The following TDRD3 variants were observed in gnomAD, a reference collection of about 807,000 sequenced individuals.
The protein encoded by TDRD3 is tudor domain-containing protein 3.
TDRD3 carries 45 observed loss-of-function variants against 86.7 expected under a neutral mutation model. The ratio of observed to expected loss-of-function variants is 0.52; its 90% CI spans 0.41 to 0.67. TDRD3 has a LOEUF of 0.67. TDRD3 is among the 30% of genes least tolerant of loss of function. TDRD3 has a pLI of 0.00. For synonymous variants in TDRD3, 298 were observed against 301.7 expected, an observed-to-expected ratio of 0.99 and a Z score of 0.13; for missense variants, 814 against 889.0, an observed-to-expected ratio of 0.92 and a Z score of 1.07.
chr13:60,534,469 T>C (rs1034405388), intron 11 of TDRD3, among the ~76,000 whole-genome samples: 5 of 152,214 alleles, frequency 3.3e-5, no homozygotes, highest in Admixed American at 3.3e-4. Flanking sequence ...CTATAAATAC[T>C]GGATCTAAGT....
chr13:60,424,374 C>T (rs769309782), intron 1 of TDRD3, among the ~76,000 whole-genome samples: 58 of 151,456 alleles, frequency 3.8e-4, no homozygotes, highest in Non-Finnish European at 7.4e-4. Flanking sequence ...AAAAAATTCA[C>T]CTCTTTAAAG....
At chr13:60,496,288 C>CATATATATAT (rs56211733) in intron 8 of TDRD3, among the ~76,000 whole-genome samples, 13 of 61,262 alleles carry the variant, frequency 2.1e-4, no homozygotes, top group Non-Finnish European at 3.0e-4. Context: ...AACAAACTCC[C>CATATATATAT]ATATATATAT....
chr13:60,490,791 T>C (rs759161850), intron 7 of TDRD3, among the ~76,000 whole-genome samples: 31 of 151,906 alleles, frequency 2.0e-4, no homozygotes, highest in Non-Finnish European at 1.8e-4. Flanking sequence ...GTTACTGAGA[T>C]TGGATATAGG....
chr13:60,546,971 A>G (rs987461748), intron 12 of TDRD3, among the ~76,000 whole-genome samples: 12 of 152,088 alleles, frequency 7.9e-5, no homozygotes, highest in Admixed American at 5.9e-4. Flanking sequence ...TGTTTTATAA[A>G]CTTTCTGAGT....
intron 8 of TDRD3, among the ~76,000 whole-genome samples, chr13:60,507,268 A>C (rs958030282): frequency 6.6e-6 from 1 of 152,154 alleles, no homozygotes; most frequent in African/African-American, 2.4e-5. Flanking sequence ...TTAACACCCC[A>C]CTGTCAATAT....
chr13:60,502,307 C>T (rs980347202), intron 8 of TDRD3, among the ~76,000 whole-genome samples: 1 of 152,116 alleles, frequency 6.6e-6, no homozygotes, highest in South Asian at 2.1e-4. Context: ...CAGGAATAAG[C>T]AGGGTTAGTC....
chr13:60,404,471 C>T (rs527454013), intron 1 of TDRD3, among the ~76,000 whole-genome samples: 78 of 151,398 alleles, frequency 5.2e-4, no homozygotes, highest in South Asian at 8.4e-4. Context: ...CCACTACGCC[C>T]GGCTAATTTT....
chr13:60,541,224 A>G (rs942466775), intron 12 of TDRD3, among the ~76,000 whole-genome samples: 1 of 150,828 alleles, frequency 6.6e-6, no homozygotes, highest in Admixed American at 6.6e-5. Context: ...CTGGAGGGCA[A>G]TGGCACGATC....
chr13:60,547,200 A>G (rs1183621170), intron 12 of TDRD3: 4 of 978,392 alleles, frequency 4.1e-6, no homozygotes, highest in Admixed American at 1.2e-4. Flanking sequence ...ACCAAAAAAA[A>G]TCTCATGACA....
At chr13:60,484,776 T>A in intron 6 of TDRD3, 1 of 431,774 alleles carries the variant, frequency 2.3e-6, no homozygotes. Flanking sequence ...TCTCCCAGTG[T>A]AATGAAAACC....
chr13:60,465,793 T>G (rs923042705), intron 4 of TDRD3, among the ~76,000 whole-genome samples: 2 of 152,324 alleles, frequency 1.3e-5, no homozygotes, highest in African/African-American at 4.8e-5. Context: ...TTTTAAGATG[T>G]GAACAATGCA....
rs547974854 is a variant in TDRD3, at chr13:60,515,726, G to A, written c.1141+4971G>A. Among the ~76,000 whole-genome samples, 5 of 152,280 alleles carry A rather than the reference G, an allele frequency of 3.3e-5. No individual in the cohort carries two copies. In the South Asian group the frequency reaches 1.0e-3, roughly 32 times the overall value. ...ACAAACAAACACAAAAACAGTTGAG[G>A]CAAGCTACTGAATTGTTTTTCAGCT... On this transcript the variant is annotated intron_variant, in intron 10 of 13. Transcript: ENST00000377881.
chr13:60,534,182 A>G (rs1439321317), intron 11 of TDRD3, among the ~76,000 whole-genome samples: 1 of 152,150 alleles, frequency 6.6e-6, no homozygotes, highest in African/African-American at 2.4e-5. Context: ...GCATGGTTGT[A>G]TGCACCTGTA....
intron 11 of TDRD3, among the ~76,000 whole-genome samples, chr13:60,531,314 GTTTGT>G (rs1254129410): frequency 6.6e-6 from 1 of 152,140 alleles, no homozygotes; most frequent in East Asian, 1.9e-4. Context: ...TTCAGGAACT[GTTTGT>G]TTTGAGTAGT....
chr13:60,428,655 C>T (rs1954872833), intron 1 of TDRD3, among the ~76,000 whole-genome samples: 1 of 152,158 alleles, frequency 6.6e-6, no homozygotes, highest in African/African-American at 2.4e-5. Flanking sequence ...TAGGGGAATT[C>T]AATGGGCTTG....
At chr13:60,500,846 G>A (rs1956815062) in intron 8 of TDRD3, among the ~76,000 whole-genome samples, 1 of 152,218 alleles carries the variant, frequency 6.6e-6, no homozygotes, top group Non-Finnish European at 1.5e-5. Flanking sequence ...CCTCAGCAGA[G>A]GAGGATTTTA....
chr13:60,560,966 T>C (rs2137956201), intron 12 of TDRD3, among the ~76,000 whole-genome samples: 1 of 152,276 alleles, frequency 6.6e-6, no homozygotes, highest in South Asian at 2.1e-4. Flanking sequence ...ATAAAATGTT[T>C]TGTTTAAATA....
chr13:60,488,609 T>C (rs189671248), intron 7 of TDRD3, among the ~76,000 whole-genome samples: 44 of 152,310 alleles, frequency 2.9e-4, no homozygotes, highest in Non-Finnish European at 4.4e-5. Context: ...AGTCTTGCTC[T>C]GTTGCCCAGG....
chr13:60,422,477 C>CT (rs1347172753), intron 1 of TDRD3, among the ~76,000 whole-genome samples: 4 of 150,988 alleles, frequency 2.6e-5, no homozygotes, highest in African/African-American at 9.9e-5. Context: ...AACTATAACT[C>CT]TAAGTTCATA....
Sources: gnomAD v4.1 joint callset for allele counts (sites outside exome capture counted in the v4.1 genomes callset) on GRCh38, gnomAD v4.1.1 for gene constraint, MANE v1.5 for transcripts, NCBI Gene and HGNC (gene_info 2026-07-23, HGNC 2026-07-21) for gene names.